PYM1: variants seen among roughly 807,000 people sequenced by gnomAD.
PYM1 encodes partner of Y14 and mago.
In PYM1, 7 loss-of-function variants were observed where a neutral mutation model predicts 20.7. The ratio of observed to expected loss-of-function variants is 0.34; its 90% confidence interval spans 0.19 to 0.64. PYM1 has a LOEUF of 0.64. PYM1 is among the 30% of genes least tolerant of loss of function. PYM1 has a pLI of 0.74. For synonymous variants in PYM1, 100 were observed against 99.2 expected, an observed-to-expected ratio of 1.01 and a Z score of -0.05; for missense variants, 194 against 250.0, an observed-to-expected ratio of 0.78 and a Z score of 1.51.
At chr12:55,906,243 G>C (rs540317905) in intron 1 of PYM1, among the ~76,000 whole-genome samples, 11 of 151,290 alleles carry the variant, frequency 7.3e-5, no homozygotes, top group Non-Finnish European at 1.3e-4. Context: ...GTATGCAGCA[G>C]AAGTGTTTCA....
chr12:55,925,544 G>A (rs1372122969), intron 1 of PYM1, among the ~76,000 whole-genome samples: 2 of 152,288 alleles, frequency 1.3e-5, no homozygotes, highest in East Asian at 3.9e-4. Context: ...AAGAAAAAAA[G>A]GAGAGAAAAA....
At chr12:55,905,809 T>G (rs926855949) in intron 1 of PYM1, among the ~76,000 whole-genome samples, 14 of 130,370 alleles carry the variant, frequency 1.1e-4, no homozygotes, top group Middle Eastern at 3.7e-3. Context: ...ATAAATAAGT[T>G]TTCAAAAATT....
At position 55,902,141 on chromosome 12, in the gene PYM1, C is replaced by T. The variant is rs769840294; in HGVS notation, c.346G>A (p.Val116Met). Residue 116 changes from valine to methionine, a missense_variant, in exon 3 of 3, where the codon GTG becomes ATG. Physicochemically the swap from Val to Met is conservative, Grantham distance 21. Around this residue, in one of 3 missense-constraint regions of PYM1, gnomAD observed 158 missense variants for 179.0 expected, o/e 0.88. Coordinates refer to ENST00000408946, the MANE Select transcript of PYM1 (RefSeq NM_032345.3). ...AEALSRTLDK[V>M]SLEETAQLPS... ...AGTTGGGCTGTCTCTTCCAGGGACA[C>T]CTTATCAAGAGTCCTGCTCAAGGCC... 5.0e-6 allele frequency: 8 copies of T among 1,614,146 alleles called. No individual in the cohort carries two copies. Among genetic ancestry groups the T allele is most frequent in the Non-Finnish European group, 8.5e-7 (1 of 1,180,036 alleles).
intron 1 of PYM1, chr12:55,927,185 T>A (rs377518763): frequency 3.6e-5 from 56 of 1,542,214 alleles, no homozygotes; most frequent in African/African-American, 1.9e-4. Context: ...GGAGTCCCGA[T>A]CGTAGCAAGC....
chr12:55,917,013 G>A (rs1883019566), intron 1 of PYM1, among the ~76,000 whole-genome samples: 1 of 151,766 alleles, frequency 6.6e-6, no homozygotes. Flanking sequence ...AAGCTGGGAG[G>A]ATCACTTGAA....
At chr12:55,905,317 A>G (rs2136257556) in intron 1 of PYM1, among the ~76,000 whole-genome samples, 1 of 151,774 alleles carries the variant, frequency 6.6e-6, no homozygotes, top group East Asian at 1.9e-4. Context: ...CCTATTATAC[A>G]ATATTTAAAA....
Position 55,901,704 on chromosome 12 carries a change from G to A in PYM1, c.*168C>T, listed in dbSNP as rs1279664635. 13 of 973,614 alleles carry A rather than the reference G, an allele frequency of 1.3e-5. No individual in the cohort carries two copies. The highest frequency in any genetic ancestry group is 1.8e-5 in the Non-Finnish European group (12 of 674,256). The allele number at this position is 973,614 out of a possible 1,614,324, so 60.3% of individuals were successfully genotyped here. A position where few individuals can be genotyped will look rare whatever the true frequency, so the allele number is the denominator to read the frequency against. On this transcript the variant is annotated 3_prime_UTR_variant, in exon 3 of 3. Coordinates refer to ENST00000408946, the MANE Select transcript of PYM1 (RefSeq NM_032345.3). ...AAAAAGTAGAAGTTGGGAAGAAAAGGGAAGGATTGAGGGAGACGCTAGGCT... is the reference window on the plus strand; with the variant it reads ...AAAAAGTAGAAGTTGGGAAGAAAAGAGAAGGATTGAGGGAGACGCTAGGCT...
rs576255255 is a variant in PYM1, at chr12:55,918,222, C to T, written c.37+9503G>A. Among the ~76,000 whole-genome samples the T allele has an allele frequency of 4.6e-5, 7 of 151,922 alleles. No homozygotes were observed. In the East Asian group the frequency reaches 1.4e-3, roughly 30 times the overall value. On this transcript the variant is annotated intron_variant, in intron 1 of 2. Coordinates refer to ENST00000408946, the MANE Select transcript of PYM1 (RefSeq NM_032345.3). ...ACGCCATTCTCCTGCCTCAGTCTCC[C>T]GAGTAGCTGGGACTACAGGTGCCCG...
intron 1 of PYM1, chr12:55,914,081 G>A: frequency 2.4e-6 from 1 of 420,532 alleles, no homozygotes; most frequent in East Asian, 3.4e-5. Flanking sequence ...ATTCAGGCAA[G>A]TGTTTTACAT....
Position 55,923,564 on chromosome 12 carries a change from G to GAA in PYM1, c.37+4159_37+4160dup, listed in dbSNP as rs761816441. ...TGGGTGACAGAGCAAGACCCTGTCT[G>GAA]AAAAAAAAAAAAAACAAAACTAATG... is the stretch of plus-strand genomic sequence containing the variant. On this transcript the variant is annotated intron_variant, in intron 1 of 2. Transcript: ENST00000408946. Among the ~76,000 whole-genome samples, 605 of 111,556 alleles carry GAA rather than the reference G, an allele frequency of 5.4e-3. 3 individuals carry two copies. The highest frequency in any genetic ancestry group is 8.3e-3 in the Non-Finnish European group (436 of 52,808). 73.2% of individuals were successfully genotyped at this position (111,556 alleles called of 152,430 possible). A position where few individuals can be genotyped will look rare whatever the true frequency, so the allele number is the denominator to read the frequency against.
chr12:55,927,059 G>A, intron 1 of PYM1: 1 of 1,486,784 alleles, frequency 6.7e-7, no homozygotes, highest in Non-Finnish European at 9.0e-7. Flanking sequence ...AAGCGGCTCC[G>A]CGCCTCCCGC....
At chr12:55,919,572 C>T (rs1342186816) in intron 1 of PYM1, among the ~76,000 whole-genome samples, 3 of 151,978 alleles carry the variant, frequency 2.0e-5, no homozygotes, top group Admixed American at 1.3e-4. Flanking sequence ...GTCATTTTAC[C>T]TTAATGTTAT....
At chr12:55,911,363 C>T (rs911449773) in intron 1 of PYM1, among the ~76,000 whole-genome samples, 5 of 151,974 alleles carry the variant, frequency 3.3e-5, no homozygotes, top group African/African-American at 4.8e-5. Context: ...CCACCCGCCT[C>T]GGCCTCCCAA....
rs186637374 is a variant in PYM1 at position 55,919,343 on chromosome 12, G to A, written c.37+8382C>T. 1.4e-4 allele frequency among the ~76,000 whole-genome samples: 22 copies of A among 152,048 alleles called. No homozygotes were observed. The East Asian group carries it at 3.1e-3, about 21-fold the overall frequency. On this transcript the variant is annotated intron_variant, in intron 1 of 2. Transcript: ENST00000408946. ...AATTTTTTGTATTTTTAGTAGAGAC[G>A]AGGTTTTGCCATGTTGCCCAGGCTG...
At position 55,927,147 on chromosome 12, in the gene PYM1, G is replaced by T. The variant is rs867083452; in HGVS notation, c.37+578C>A. ...AACCACTTCCGGCGTGAGCGGGCTG[G>T]GGTCCCGCCCCCCTCCCCACCGGAA... On this transcript the variant is annotated intron_variant, in intron 1 of 2. Coordinates refer to ENST00000408946, the MANE Select transcript of PYM1 (RefSeq NM_032345.3). 7 of 1,551,338 alleles carry T rather than the reference G, an allele frequency of 4.5e-6. No homozygotes were observed. In the African/African-American group the frequency reaches 9.6e-5, roughly 21 times the overall value.
chr12:55,905,982 TATATA>T lies in PYM1; in HGVS notation c.38-2507_38-2503del, dbSNP rs574371988. 4.9e-3 allele frequency among the ~76,000 whole-genome samples: 626 copies of T among 126,556 alleles called. 33 individuals are homozygous for T. The highest frequency in any genetic ancestry group is 0.022 in the African/African-American group (602 of 27,846). 83.0% of individuals were successfully genotyped at this position (126,556 alleles called of 152,430 possible). A position where few individuals can be genotyped will look rare whatever the true frequency, so the allele number is the denominator to read the frequency against. On this transcript the variant is annotated intron_variant, in intron 1 of 2. Coordinates refer to ENST00000408946, the MANE Select transcript of PYM1 (RefSeq NM_032345.3). The stretch of plus-strand genomic sequence containing the variant: ...TATCTAATAGATATATATATTATTA[TATATA>T]ATATAAAATAAATAAGTTTTCCAAA...
rs77650250 is a variant in PYM1 at position 55,901,452 on chromosome 12, TAAA to T, written c.*417_*419del. 9 of 143,778 alleles carry T rather than the reference TAAA, an allele frequency of 6.3e-5. No individual in the cohort carries two copies. The highest frequency in any genetic ancestry group is 2.2e-4 in the South Asian group (1 of 4,516). 8.9% of individuals were successfully genotyped at this position (143,778 alleles called of 1,614,324 possible). A position where few individuals can be genotyped will look rare whatever the true frequency, so the allele number is the denominator to read the frequency against. On this transcript the variant is annotated 3_prime_UTR_variant, in exon 3 of 3. Transcript: ENST00000408946. ...TGTTTATTCTCATTTTTGCTTTTTT[TAAA>T]AAAAAAAAAAAAATGAGGGATGGAG...
At chr12:55,927,670 C>T (rs528099208) in intron 1 of PYM1, 55 bp downstream of exon 1, 3 of 1,534,210 alleles carry the variant, frequency 2.0e-6, no homozygotes, top group South Asian at 2.4e-5. Flanking sequence ...CCCACTCAAC[C>T]ACCAGAGACC....
chr12:55,916,509 A>G (rs1464242112), intron 1 of PYM1, among the ~76,000 whole-genome samples: 1 of 151,564 alleles, frequency 6.6e-6, no homozygotes. Flanking sequence ...TACATTTAAA[A>G]GTAGTCAGCC....
Sources: gnomAD v4.1 joint callset for allele counts (sites outside exome capture counted in the v4.1 genomes callset) on GRCh38, gnomAD v4.1.1 for gene constraint, gnomAD v4.1.1 regional missense constraint, MANE v1.5 for transcripts, NCBI Gene and HGNC (gene_info 2026-07-23, HGNC 2026-07-21) for gene names.